Variants in MEF2C observed in about 807,000 individuals in gnomAD.
The protein encoded by MEF2C is myocyte enhancer factor 2C.
In MEF2C, 6 loss-of-function variants were observed where a neutral mutation model predicts 50.5. That is an observed-to-expected ratio of 0.12 (90% CI 0.07 to 0.23). MEF2C has a LOEUF of 0.23. Among genes scored for constraint, MEF2C ranks in the 10% least tolerant of loss-of-function variants. The pLI, the probability that MEF2C is intolerant of heterozygous loss-of-function variation, is 1.00. For synonymous variants in MEF2C, 183 were observed against 228.0 expected (o/e 0.80, Z 1.78); for missense variants, 276 against 605.0 (o/e 0.46, Z 5.70).
At chr5:88,890,025 A>G (rs1163684132) in intron 1 of MEF2C, among the ~76,000 whole-genome samples, 1 of 152,058 alleles carries the variant, frequency 6.6e-6, no homozygotes, top group Admixed American at 6.5e-5. Context: ...CCCCTGTCCC[A>G]CTCTGGCCAG....
At chr5:88,742,087 T>A in intron 6 of MEF2C, 1 of 985,420 alleles carries the variant, frequency 1.0e-6, no homozygotes, top group Non-Finnish European at 1.2e-6. Context: ...AAACAGCAGA[T>A]TATACTCTTG....
chr5:88,827,191 A>G (rs1276813506), intron 1 of MEF2C: 1 of 151,786 alleles, frequency 6.6e-6, no homozygotes, highest in East Asian at 1.9e-4. Flanking sequence ...TCATTTACAA[A>G]CAAGTTCCCT....
chr5:88,890,487 G>C (rs965451974), intron 1 of MEF2C, among the ~76,000 whole-genome samples: 2 of 152,094 alleles, frequency 1.3e-5, no homozygotes, highest in Non-Finnish European at 1.5e-5. Context: ...ATTAAAATAA[G>C]ATAAAATAAA....
chr5:88,832,331 T>C lies in MEF2C; in HGVS notation c.-142-8401A>G, dbSNP rs537564946. Among the ~76,000 whole-genome samples the C allele has an allele frequency of 1.9e-3, 293 of 152,268 alleles. 2 individuals carry two copies. The highest frequency in any genetic ancestry group is 3.4e-3 in the Non-Finnish European group (229 of 68,022). On this transcript the variant is annotated intron_variant, in intron 1 of 10. Coordinates refer to ENST00000504921, the MANE Select transcript of MEF2C (RefSeq NM_002397.5). ...AATAGAAATTCTCTGCATTTAGAAG[T>C]TGGGCTTAATATTCTATTTTTTTTT...
chr5:88,881,726 C>CTT (rs5869446), intron 1 of MEF2C, among the ~76,000 whole-genome samples: 4,057 of 142,906 alleles, frequency 0.028, 191 homozygotes, highest in African/African-American at 0.096. Context: ...AGGCTAGTCG[C>CTT]TTTTTTTTTT....
chr5:88,851,969 T>C (rs1004803624), intron 1 of MEF2C, among the ~76,000 whole-genome samples: 4 of 152,166 alleles, frequency 2.6e-5, no homozygotes, highest in African/African-American at 9.6e-5. Context: ...ATAAGCAATT[T>C]ATCAAACTAT....
chr5:88,781,364 T>C (rs183320756), intron 3 of MEF2C, among the ~76,000 whole-genome samples: 31 of 152,306 alleles, frequency 2.0e-4, no homozygotes, highest in Admixed American at 1.6e-3. Flanking sequence ...CATGTGCTAA[T>C]GGCTATATAT....
intron 2 of MEF2C, among the ~76,000 whole-genome samples, chr5:88,812,832 C>T (rs1205853180): frequency 6.6e-6 from 1 of 152,026 alleles, no homozygotes; most frequent in Non-Finnish European, 1.5e-5. Context: ...GTTAGTGTTC[C>T]TTCCCTCTTT....
chr5:88,780,397 G>A (rs1278183352), intron 3 of MEF2C, among the ~76,000 whole-genome samples: 2 of 152,138 alleles, frequency 1.3e-5, no homozygotes, highest in African/African-American at 4.8e-5. Flanking sequence ...CCAAATCACA[G>A]TTCGTCTTGA....
chr5:88,736,049 T>C (rs1763942474), intron 6 of MEF2C: 10 of 985,452 alleles, frequency 1.0e-5, no homozygotes, highest in Non-Finnish European at 1.2e-5. Flanking sequence ...TTTTTTAATC[T>C]ACCAAACTGT....
chr5:88,760,708 G>C (rs1046128156), intron 4 of MEF2C, among the ~76,000 whole-genome samples: 33 of 152,198 alleles, frequency 2.2e-4, no homozygotes, highest in African/African-American at 8.0e-4. Flanking sequence ...TGGACTGTGT[G>C]TTTAAAAGAT....
Position 88,722,032 on chromosome 5 carries a change from T to C in MEF2C, c.*572A>G, listed in dbSNP as rs912051282. The C allele has an allele frequency of 2.0e-5, 3 of 152,576 alleles. No individual in the cohort carries two copies. Among genetic ancestry groups the C allele is most frequent in the African/African-American group, 7.2e-5 (3 of 41,432 alleles). The allele number at this position is 152,576 out of a possible 1,614,324, so 9.5% of individuals were successfully genotyped here. On this transcript the variant is annotated 3_prime_UTR_variant, in exon 11 of 11. Coordinates refer to ENST00000504921, the MANE Select transcript of MEF2C (RefSeq NM_002397.5). ...CCACATTTTTTTTTAATAGGTATGGTCCTCTTTTAATGGTCTCTGATCCTT... is the reference window on the plus strand; with the variant it reads ...CCACATTTTTTTTTAATAGGTATGGCCCTCTTTTAATGGTCTCTGATCCTT...
intron 5 of MEF2C, among the ~76,000 whole-genome samples, chr5:88,750,652 T>C (rs1350089193): frequency 6.6e-6 from 1 of 152,230 alleles, no homozygotes; most frequent in African/African-American, 2.4e-5. Flanking sequence ...ATACATGTGG[T>C]TACTGAAAAT....
intron 3 of MEF2C, among the ~76,000 whole-genome samples, chr5:88,788,178 G>GTTTGTTTGTTTGTTTGTTTATTTA (rs71613095): frequency 3.4e-5 from 3 of 89,096 alleles, no homozygotes; most frequent in Admixed American, 1.3e-4. Context: ...TTGTTTGTTT[G>GTTTGTTTGTTTGTTTGTTTATTTA]TTTATTTATT....
chr5:88,729,480 C>G (rs1760453311), intron 8 of MEF2C, 133 bp from the exon 9 acceptor site: 2 of 814,538 alleles, frequency 2.5e-6, no homozygotes. Context: ...TAACATGTGT[C>G]TCTATGAACT....
At chr5:88,773,022 G>A in intron 3 of MEF2C, 1 of 599,714 alleles carries the variant, frequency 1.7e-6, no homozygotes, top group Non-Finnish European at 2.1e-6. Context: ...CAGGAGTGCA[G>A]AGCGTCACTG....
intron 6 of MEF2C, chr5:88,738,198 G>C: frequency 1.0e-6 from 1 of 985,316 alleles, no homozygotes; most frequent in East Asian, 1.1e-4. Flanking sequence ...CCTAGTGTGA[G>C]AGAAGCATGA....
Position 88,761,167 on chromosome 5 carries a change from G to A in MEF2C, c.402+18C>T, listed in dbSNP as rs759365719. 9 of 1,613,738 alleles carry A rather than the reference G, an allele frequency of 5.6e-6. No homozygotes were observed. Among genetic ancestry groups the A allele is most frequent in the African/African-American group, 1.3e-5 (1 of 74,864 alleles). ...AATATCAAGAGTAAAAAAAATGAAG[G>A]GTGTTCTGAGTACTTACACACAATC... On this transcript the variant is annotated intron_variant, in intron 4 of 10. Coordinates refer to ENST00000504921, the MANE Select transcript of MEF2C (RefSeq NM_002397.5).
intron 3 of MEF2C, among the ~76,000 whole-genome samples, chr5:88,774,205 G>A (rs1783723949): frequency 6.6e-6 from 1 of 152,210 alleles, no homozygotes; most frequent in African/African-American, 2.4e-5. Flanking sequence ...CAAATGGTCA[G>A]AGAACAAACC....
Sources: gnomAD v4.1 joint callset for allele counts (sites outside exome capture counted in the v4.1 genomes callset) on GRCh38, gnomAD v4.1.1 for gene constraint, MANE v1.5 for transcripts, NCBI Gene and HGNC (gene_info 2026-07-23, HGNC 2026-07-21) for gene names.